Variants in GPBP1 observed in about 807,000 individuals in gnomAD.
The protein encoded by GPBP1 is GC-rich promoter binding protein 1.
A neutral mutation model predicts 56.5 loss-of-function variants in GPBP1; 13 were observed. That is an observed-to-expected ratio of 0.23 (90% CI 0.15 to 0.37). The LOEUF is 0.37. GPBP1 is among the 10% of genes least tolerant of loss of function. The probability of loss-of-function intolerance (pLI) is 1.00; values close to 1 mark genes in which losing one functional copy is unlikely to be tolerated. For missense variants in GPBP1, 477 were observed against 572.3 expected (o/e 0.83, Z 1.70); for synonymous variants, 204 against 188.9 (o/e 1.08, Z -0.66).
chr5:57,178,798 G>C lies in GPBP1; in HGVS notation c.-58+2398G>C, dbSNP rs546775607. Among the ~76,000 whole-genome samples the C allele has an allele frequency of 2.0e-5, 3 of 152,260 alleles. No individual in the cohort carries two copies. The South Asian group carries it at 6.2e-4, about 32-fold the overall frequency. On this transcript the variant is annotated intron_variant, in intron 2 of 11. Coordinates refer to ENST00000506184, the MANE Select transcript of GPBP1 (RefSeq NM_022913.4). ...TCCGTTGGTAATTGGAACTATTGCTGGACGCTGCTTTTCCCCAGAAGTTAA... is the reference window on the plus strand; with the variant it reads ...TCCGTTGGTAATTGGAACTATTGCTCGACGCTGCTTTTCCCCAGAAGTTAA...
chr5:57,227,538 T>A (rs114768118), intron 3 of GPBP1, among the ~76,000 whole-genome samples: 1,750 of 152,316 alleles, frequency 0.011, 31 homozygotes, highest in African/African-American at 0.04. Context: ...AAATCTTGAC[T>A]ACACTTTGCA....
Position 57,240,096 on chromosome 5 carries a change from A to T in GPBP1, c.478+4064A>T, listed in dbSNP as rs191223455. ...CCTTGTCTCTACAAAAATAAAAAAT[A>T]AAAAATTAACTGGACGTGGTTGTGT... is the stretch of plus-strand genomic sequence containing the variant. On this transcript the variant is annotated intron_variant, in intron 6 of 11. Coordinates refer to ENST00000506184, the MANE Select transcript of GPBP1 (RefSeq NM_022913.4). 4.6e-3 allele frequency among the ~76,000 whole-genome samples: 692 copies of T among 152,004 alleles called. 3 individuals are homozygous for T. Among genetic ancestry groups the T allele is most frequent in the Non-Finnish European group, 5.6e-3 (382 of 67,988 alleles).
At chr5:57,192,330 G>T (rs1754561860) in intron 2 of GPBP1, among the ~76,000 whole-genome samples, 1 of 152,110 alleles carries the variant, frequency 6.6e-6, no homozygotes, top group African/African-American at 2.4e-5. Context: ...ACAGTAGTCT[G>T]TTTGGGGATA....
intron 5 of GPBP1, among the ~76,000 whole-genome samples, chr5:57,234,075 TTC>T (rs1199475456): frequency 6.6e-6 from 1 of 152,232 alleles, no homozygotes; most frequent in Admixed American, 6.5e-5. Flanking sequence ...AAAATCTTAA[TTC>T]TGTTTAGTTT....
chr5:57,220,305 T>C (rs575070049), intron 3 of GPBP1, among the ~76,000 whole-genome samples: 3 of 152,136 alleles, frequency 2.0e-5, no homozygotes, highest in African/African-American at 7.2e-5. Flanking sequence ...TTAACGTGCG[T>C]TGAAATTCTC....
intron 2 of GPBP1, among the ~76,000 whole-genome samples, chr5:57,205,047 A>G (rs962623211): frequency 7.9e-5 from 12 of 152,172 alleles, no homozygotes; most frequent in African/African-American, 2.9e-4. Context: ...CTCCACCTCT[A>G]TCAAGTTCCA....
At chr5:57,184,045 A>G (rs1250765012) in intron 2 of GPBP1, among the ~76,000 whole-genome samples, 1 of 152,096 alleles carries the variant, frequency 6.6e-6, no homozygotes, top group Non-Finnish European at 1.5e-5. Flanking sequence ...CAGCCTGGCC[A>G]ACATGGTGAA....
intron 2 of GPBP1, among the ~76,000 whole-genome samples, chr5:57,187,031 TG>T (rs1754321226): frequency 6.6e-6 from 1 of 151,918 alleles, no homozygotes; most frequent in African/African-American, 2.4e-5. Context: ...TGTGTGTGTG[TG>T]TGTGTGTATG....
Position 57,175,666 on chromosome 5 carries a change from G to C in GPBP1, c.-792G>C. 2.5e-6 allele frequency: 1 copy of C among 396,410 alleles called. No individual in the cohort carries two copies. The highest frequency in any genetic ancestry group is 4.4e-6 in the Non-Finnish European group (1 of 225,238). 24.6% of individuals were successfully genotyped at this position (396,410 alleles called of 1,614,324 possible). ...CCAGGCAGCATTTCTTCAGTATTTT[G>C]GTTCAAACGGATTATATAACTGGTT... On this transcript the variant is annotated 5_prime_UTR_variant, in exon 2 of 12. Transcript: ENST00000506184.
Position 57,251,156 on chromosome 5 carries a change from G to T in GPBP1, c.1160+15G>T. 1 of 1,559,116 alleles carries T rather than the reference G, an allele frequency of 6.4e-7. No individual in the cohort carries two copies. Among genetic ancestry groups the T allele is most frequent in the Admixed American group, 2.1e-5 (1 of 48,396 alleles). On this transcript the variant is annotated intron_variant, in intron 10 of 11. Transcript: ENST00000506184. ...GCAGAACACAGGCTAGTATTTGTTT[G>T]TACTTTTTGCTCAGCATTTTCTGTA...
At chr5:57,218,349 C>G (rs1377966897) in intron 3 of GPBP1, among the ~76,000 whole-genome samples, 1 of 152,152 alleles carries the variant, frequency 6.6e-6, no homozygotes. Flanking sequence ...GCAACCACCC[C>G]CATTGGGTCT....
At chr5:57,222,046 T>G (rs185508854) in intron 3 of GPBP1, among the ~76,000 whole-genome samples, 257 of 152,324 alleles carry the variant, frequency 1.7e-3, no homozygotes, top group African/African-American at 6.0e-3. Context: ...TTGTTTTGTT[T>G]TTTTTGTTTG....
intron 10 of GPBP1, among the ~76,000 whole-genome samples, chr5:57,253,796 T>C (rs1480210979): frequency 6.6e-6 from 1 of 152,054 alleles, no homozygotes; most frequent in Non-Finnish European, 1.5e-5. Flanking sequence ...AAAAAAAACA[T>C]AGAGATGAGC....
intron 2 of GPBP1, among the ~76,000 whole-genome samples, chr5:57,205,499 A>G (rs1302223751): frequency 6.6e-6 from 1 of 151,438 alleles, no homozygotes; most frequent in Non-Finnish European, 1.5e-5. Flanking sequence ...CCAAACTTCT[A>G]CAGTTGTTGA....
intron 2 of GPBP1, among the ~76,000 whole-genome samples, chr5:57,204,242 GT>G (rs1280852791): frequency 2.0e-5 from 3 of 151,586 alleles, no homozygotes; most frequent in Non-Finnish European, 4.4e-5. Context: ...TTTACAGCTT[GT>G]TTTTTTTGTT....
intron 2 of GPBP1, among the ~76,000 whole-genome samples, chr5:57,211,627 A>T (rs1049803994): frequency 1.3e-5 from 2 of 151,204 alleles, no homozygotes; most frequent in Non-Finnish European, 2.9e-5. Context: ...CTCCTTGCCC[A>T]GGCTGGAGTG....
At chr5:57,257,107 C>A (rs1007045348) in intron 10 of GPBP1, among the ~76,000 whole-genome samples, 1 of 151,968 alleles carries the variant, frequency 6.6e-6, no homozygotes, top group East Asian at 1.9e-4. Context: ...GACCTCTGCT[C>A]ACTGCAACCT....
chr5:57,210,113 T>A (rs1479951077), intron 2 of GPBP1, among the ~76,000 whole-genome samples: 1 of 152,126 alleles, frequency 6.6e-6, no homozygotes, highest in African/African-American at 2.4e-5. Context: ...AAATAAAACA[T>A]AACAAGAAAG....
intron 4 of GPBP1, 52 bp from the exon 5 acceptor site, chr5:57,231,046 C>A: frequency 6.3e-7 from 1 of 1,585,302 alleles, no homozygotes; most frequent in East Asian, 2.2e-5. Flanking sequence ...GTGATTCAAT[C>A]TTTAAGCTTC....
Sources: gnomAD v4.1 joint callset for allele counts (sites outside exome capture counted in the v4.1 genomes callset) on GRCh38, gnomAD v4.1.1 for gene constraint, MANE v1.5 for transcripts, NCBI Gene and HGNC (gene_info 2026-07-23, HGNC 2026-07-21) for gene names.